The following TRAK1 variants were observed in gnomAD, a reference collection of about 807,000 sequenced individuals.
TRAK1 encodes the protein trafficking kinesin protein 1.
A neutral mutation model predicts 92.1 loss-of-function variants in TRAK1; 33 were observed. That is an observed-to-expected ratio of 0.36 (90% CI 0.27 to 0.48). The LOEUF is 0.48. Among genes scored for constraint, TRAK1 ranks in the 20% least tolerant of loss-of-function variants. TRAK1 has a pLI of 0.99. For missense variants in TRAK1, 1,123 were observed against 1,257.9 expected (o/e 0.89, Z 1.62); for synonymous variants, 521 against 517.3 (o/e 1.01, Z -0.10).
intron 1 of TRAK1, among the ~76,000 whole-genome samples, chr3:42,070,802 A>G (rs1007098964): frequency 6.6e-6 from 1 of 152,216 alleles, no homozygotes; most frequent in Non-Finnish European, 1.5e-5. Flanking sequence ...TTATGTCCCA[A>G]CTGTTTGTTC....
chr3:42,139,230 C>T (rs967881928), intron 2 of TRAK1, among the ~76,000 whole-genome samples: 1 of 152,142 alleles, frequency 6.6e-6, no homozygotes, highest in East Asian at 1.9e-4. Flanking sequence ...ATTTTGTTTA[C>T]AGGCAAGGAC....
At chr3:42,062,452 A>G (rs1703487445) in intron 1 of TRAK1, among the ~76,000 whole-genome samples, 1 of 152,236 alleles carries the variant, frequency 6.6e-6, no homozygotes, top group South Asian at 2.1e-4. Context: ...CTTGTCTTGG[A>G]GACTATTTTT....
At chr3:42,084,657 G>C (rs997070037), upstream of TRAK1, among the ~76,000 whole-genome samples, 1 of 152,156 alleles carries the variant, frequency 6.6e-6, no homozygotes, top group Non-Finnish European at 1.5e-5. Flanking sequence ...GGTGACTCTT[G>C]GGGGTCTTCT....
chr3:42,113,307 A>G (rs2149084448), intron 1 of TRAK1, among the ~76,000 whole-genome samples: 1 of 152,264 alleles, frequency 6.6e-6, no homozygotes, highest in African/African-American at 2.4e-5. Flanking sequence ...TCTCAAAAGC[A>G]TTGTTATTCT....
At chr3:42,129,253 G>A (rs1469439581) in intron 2 of TRAK1, among the ~76,000 whole-genome samples, 1 of 152,092 alleles carries the variant, frequency 6.6e-6, no homozygotes, top group Non-Finnish European at 1.5e-5. Flanking sequence ...TGAGGCGTGT[G>A]AGAAGACAAG....
At chr3:42,041,797 C>T (rs9849185) in intron 1 of TRAK1, among the ~76,000 whole-genome samples, 101,132 of 138,506 alleles carry the variant, frequency 0.73, 35,424 homozygotes, top group Middle Eastern at 0.83. Context: ...TTTTTTTTTT[C>T]TTTTCTTTTC....
At chr3:42,088,834 C>A (rs914843753), upstream of TRAK1, among the ~76,000 whole-genome samples, 11 of 152,200 alleles carry the variant, frequency 7.2e-5, 1 homozygote, top group Admixed American at 2.0e-4. Flanking sequence ...TCTTCTTCTC[C>A]CAAGCCTGGG....
intron 2 of TRAK1, among the ~76,000 whole-genome samples, chr3:42,158,314 T>C (rs753939568): frequency 2.0e-5 from 3 of 152,160 alleles, no homozygotes; most frequent in Non-Finnish European, 2.9e-5. Context: ...ACTCATCTTA[T>C]CGTCAATCTG....
At chr3:42,020,252 G>A (rs551337343) in intron 1 of TRAK1, among the ~76,000 whole-genome samples, 3 of 152,152 alleles carry the variant, frequency 2.0e-5, no homozygotes, top group Admixed American at 6.5e-5. Flanking sequence ...AATTTCTTAC[G>A]CATTGAACCT....
intron 1 of TRAK1, among the ~76,000 whole-genome samples, chr3:42,063,638 A>G (rs1188156355): frequency 1.3e-5 from 2 of 150,034 alleles, no homozygotes; most frequent in Non-Finnish European, 3.0e-5. Flanking sequence ...GTGAGCTGAG[A>G]TTGTGCCACT....
At chr3:42,120,451 A>C (rs1053477659) in intron 1 of TRAK1, among the ~76,000 whole-genome samples, 3 of 151,498 alleles carry the variant, frequency 2.0e-5, no homozygotes, top group African/African-American at 7.3e-5. Flanking sequence ...TCACAGCAGG[A>C]GCTTGAATAA....
intron 1 of TRAK1, among the ~76,000 whole-genome samples, chr3:42,122,712 G>A (rs1263088141): frequency 6.6e-6 from 1 of 152,126 alleles, no homozygotes; most frequent in African/African-American, 2.4e-5. Context: ...GCCTTTGGAT[G>A]GTGGTTTATT....
intron 1 of TRAK1, among the ~76,000 whole-genome samples, chr3:42,048,778 G>A (rs946088321): frequency 2.0e-5 from 3 of 152,070 alleles, no homozygotes; most frequent in Non-Finnish European, 2.9e-5. Context: ...TGCCCAGGCT[G>A]GTCTTGAGCT....
chr3:42,042,776 A>G (rs1559717781), intron 1 of TRAK1, among the ~76,000 whole-genome samples: 1 of 152,238 alleles, frequency 6.6e-6, no homozygotes, highest in East Asian at 1.9e-4. Context: ...TTCACAGTGT[A>G]TGCTCCAGGA....
At chr3:42,018,578 TC>T (rs1317117562) in intron 1 of TRAK1, among the ~76,000 whole-genome samples, 2 of 152,222 alleles carry the variant, frequency 1.3e-5, no homozygotes, top group African/African-American at 4.8e-5. Flanking sequence ...ATCTTTTTTT[TC>T]TTTTAAGAAG....
At chr3:42,211,579 A>T (rs1164587960) in intron 14 of TRAK1, 1 of 985,292 alleles carries the variant, frequency 1.0e-6, no homozygotes, top group Non-Finnish European at 1.2e-6. Context: ...CCTTATGTTG[A>T]TTGGGATGCT....
intron 3 of TRAK1, 99 bp from the exon 4 acceptor site, chr3:42,184,586 C>A: frequency 8.7e-7 from 1 of 1,149,258 alleles, no homozygotes; most frequent in Non-Finnish European, 1.3e-6. Flanking sequence ...TTTGTTATTT[C>A]TAGATGCTTA....
intron 2 of TRAK1, chr3:42,149,550 C>T (rs1212176601): frequency 7.8e-6 from 12 of 1,536,068 alleles, no homozygotes; most frequent in Non-Finnish European, 7.8e-6. Flanking sequence ...AGAAATTTAT[C>T]GAAGCGGATT....
chr3:42,035,857 C>T (rs13315458), intron 1 of TRAK1, among the ~76,000 whole-genome samples: 145 of 152,348 alleles, frequency 9.5e-4, no homozygotes, highest in African/African-American at 3.4e-3. Flanking sequence ...TTTGCTTCTG[C>T]AGTTACCTCT....
Sources: allele counts gnomAD v4.1 joint callset (sites outside exome capture counted in the v4.1 genomes callset), GRCh38; gene constraint gnomAD v4.1.1; transcripts MANE v1.5; gene names NCBI Gene and HGNC (gene_info 2026-07-23, HGNC 2026-07-21).